SATL1: variants seen among roughly 807,000 people sequenced by gnomAD.
SATL1 encodes spermidine/spermine N1-acetyl transferase like 1, also known as spermidine/spermine N(1)-acetyltransferase-like protein 1.
In SATL1, 47 loss-of-function variants were observed where a neutral mutation model predicts 51.8. The observed-to-expected ratio is 0.91, with a 90% CI of 0.72 to 1.16. The LOEUF is 1.16. Ranked by LOEUF, SATL1 falls within the 50% of genes most tolerant of loss-of-function variation. The pLI, the probability that SATL1 is intolerant of heterozygous loss-of-function variation, is 0.00. For synonymous variants in SATL1, 176 were observed against 182.4 expected (o/e 0.97, Z 0.28); for missense variants, 520 against 526.4 (o/e 0.99, Z 0.12).
intron 4 of SATL1, among the ~76,000 whole-genome samples, chrX:85,097,649 C>T (rs1021499660): frequency 8.0e-5 from 9 of 112,012 alleles, no homozygotes; most frequent in Non-Finnish European, 1.7e-4. Context: ...GCCTAATGTA[C>T]GTTATTGGGC....
chrX:85,166,249 C>T (rs191034084), intron 2 of SATL1, among the ~76,000 whole-genome samples: 6 of 111,223 alleles, frequency 5.4e-5, no homozygotes, highest in Non-Finnish European at 1.1e-4. Flanking sequence ...CACAAAGGTA[C>T]CTGCAACAAC....
intron 2 of SATL1, among the ~76,000 whole-genome samples, chrX:85,144,237 T>C (rs1926178529): frequency 8.9e-6 from 1 of 112,175 alleles, no homozygotes; most frequent in South Asian, 3.7e-4. Flanking sequence ...TACTGTACTA[T>C]GTTTTTACCT....
chrX:85,123,257 G>C (rs1197514764), intron 2 of SATL1, among the ~76,000 whole-genome samples: 1 of 111,268 alleles, frequency 9.0e-6, no homozygotes, highest in African/African-American at 3.3e-5. Context: ...TTCTACAGTG[G>C]CTAAGCTAAC....
intron 2 of SATL1, among the ~76,000 whole-genome samples, chrX:85,130,387 G>A (rs1397316638): frequency 1.8e-5 from 2 of 111,702 alleles, no homozygotes; most frequent in East Asian, 5.6e-4. Flanking sequence ...GAGTGTATGT[G>A]TCCAGGAATT....
chrX:85,195,772 G>A (rs2147747240), intron 2 of SATL1, among the ~76,000 whole-genome samples: 1 of 109,700 alleles, frequency 9.1e-6, no homozygotes, highest in Admixed American at 9.8e-5. Context: ...AAATTGCCTG[G>A]GCGACAAGAG....
At chrX:85,235,790 A>T (rs895299853) in intron 1 of SATL1, among the ~76,000 whole-genome samples, 2 of 111,323 alleles carry the variant, frequency 1.8e-5, no homozygotes, top group Admixed American at 9.5e-5. Flanking sequence ...TACTAAAGCA[A>T]AAACAAACCA....
At chrX:85,105,623 T>C (rs910138139) in intron 3 of SATL1, among the ~76,000 whole-genome samples, 7 of 111,021 alleles carry the variant, frequency 6.3e-5, no homozygotes, top group Non-Finnish European at 1.9e-5. Context: ...GAGAATAGTA[T>C]AAAATGAGTT....
At chrX:85,150,959 C>T (rs762674334) in intron 2 of SATL1, among the ~76,000 whole-genome samples, 157 of 111,054 alleles carry the variant, frequency 1.4e-3, no homozygotes, top group African/African-American at 4.7e-3. Context: ...TTGGAAGTTC[C>T]GGCCAGGGTA....
intron 2 of SATL1, among the ~76,000 whole-genome samples, chrX:85,193,665 T>A (rs1927489240): frequency 1.8e-5 from 2 of 111,769 alleles, no homozygotes; most frequent in Admixed American, 1.9e-4. Flanking sequence ...CTCCTCTCTG[T>A]CCTCCCAGCC....
chrX:85,167,567 T>A (rs944964504), intron 2 of SATL1, among the ~76,000 whole-genome samples: 14 of 110,142 alleles, frequency 1.3e-4, no homozygotes, highest in Non-Finnish European at 2.3e-4. Context: ...GACACATACA[T>A]CCTCCCAAGA....
Position 85,125,633 on chromosome X carries a change from T to C in SATL1, c.-312-16353A>G, listed in dbSNP as rs1246164597. Among the ~76,000 whole-genome samples, 12 of 108,824 alleles carry C rather than the reference T, an allele frequency of 1.1e-4. No homozygotes were observed. In the Admixed American group the frequency reaches 1.2e-3, roughly 11 times the overall value. The allele number at this position is 108,824 out of a possible 115,157, so 94.5% of individuals were successfully genotyped here. ...ATACAACTTATAAACTCTGAACACATGAGAACATATCTCAAGTCAATCTAT... is the reference window on the plus strand; with the variant it reads ...ATACAACTTATAAACTCTGAACACACGAGAACATATCTCAAGTCAATCTAT... On this transcript the variant is annotated intron_variant, in intron 2 of 7. Coordinates refer to ENST00000644105, the MANE Select transcript of SATL1 (RefSeq NM_001367857.2).
At chrX:85,144,798 G>A (rs181616687) in intron 2 of SATL1, among the ~76,000 whole-genome samples, 20 of 111,443 alleles carry the variant, frequency 1.8e-4, no homozygotes, top group Admixed American at 2.9e-4. Flanking sequence ...AGGCTGAGAC[G>A]GCTGGGTCTC....
At chrX:85,207,726 A>C (rs1248542665) in intron 2 of SATL1, 2 of 111,462 alleles carry the variant, frequency 1.8e-5, no homozygotes, top group Non-Finnish European at 3.8e-5. Context: ...TACAATACTC[A>C]AAAGGGTGTG....
At chrX:85,102,571 G>C (rs1398963714) in intron 4 of SATL1, among the ~76,000 whole-genome samples, 1 of 111,574 alleles carries the variant, frequency 9.0e-6, no homozygotes, top group African/African-American at 3.3e-5. Flanking sequence ...ACAGGACTGA[G>C]GACATTATGA....
chrX:85,181,642 T>G (rs2147740137), intron 2 of SATL1, among the ~76,000 whole-genome samples: 1 of 111,129 alleles, frequency 9.0e-6, no homozygotes, highest in South Asian at 3.8e-4. Flanking sequence ...CAAAGGTCCT[T>G]ATCTCTCAGA....
At chrX:85,122,455 C>A (rs778990374) in intron 2 of SATL1, among the ~76,000 whole-genome samples, 20 of 111,285 alleles carry the variant, frequency 1.8e-4, no homozygotes, top group African/African-American at 6.5e-4. Flanking sequence ...GAATCACATT[C>A]TGTCATACTA....
chrX:85,234,448 AT>A (rs1437269851), intron 1 of SATL1, among the ~76,000 whole-genome samples: 34 of 112,292 alleles, frequency 3.0e-4, no homozygotes, highest in African/African-American at 1.0e-3. Flanking sequence ...CATATCTTAA[AT>A]AGAAAGACTA....
At chrX:85,104,221 G>A (rs1364080433) in intron 3 of SATL1, among the ~76,000 whole-genome samples, 5 of 111,813 alleles carry the variant, frequency 4.5e-5, no homozygotes. Flanking sequence ...AAAAGTTACT[G>A]AGCATTCAAG....
At chrX:85,102,017 G>T (rs1360345189) in intron 4 of SATL1, among the ~76,000 whole-genome samples, 1 of 109,499 alleles carries the variant, frequency 9.1e-6, no homozygotes, top group Non-Finnish European at 1.9e-5. Context: ...AGCCTAGGGG[G>T]AGGGAGGTCG....
Sources: allele counts gnomAD v4.1 joint callset (sites outside exome capture counted in the v4.1 genomes callset), GRCh38; gene constraint gnomAD v4.1.1; transcripts MANE v1.5; gene names NCBI Gene and HGNC (gene_info 2026-07-23, HGNC 2026-07-21).